GPM6A: variants seen among roughly 807,000 people sequenced by gnomAD.
GPM6A encodes glycoprotein M6A.
GPM6A carries 7 observed loss-of-function variants against 32.1 expected under a neutral mutation model. That is an observed-to-expected ratio of 0.22 (90% confidence interval 0.12 to 0.41). The LOEUF is 0.41. GPM6A is among the 10% of genes least tolerant of loss of function. The probability of loss-of-function intolerance (pLI) is 1.00; values close to 1 mark genes in which losing one functional copy is unlikely to be tolerated. For synonymous variants in GPM6A, 130 were observed against 123.4 expected (o/e 1.05, Z -0.35); for missense variants, 235 against 347.2 (o/e 0.68, Z 2.57).
At chr4:175,887,678 A>G (rs1737506438) in intron 1 of GPM6A, among the ~76,000 whole-genome samples, 1 of 151,964 alleles carries the variant, frequency 6.6e-6, no homozygotes, top group Non-Finnish European at 1.5e-5. Context: ...AAGGTAAAGT[A>G]TTAGACACAA....
intron 3 of GPM6A, among the ~76,000 whole-genome samples, chr4:175,672,317 C>T (rs533445180): frequency 1.8e-4 from 27 of 152,236 alleles, no homozygotes; most frequent in African/African-American, 6.3e-4. Context: ...TAGAAATGAT[C>T]CTCATTTTGT....
chr4:175,865,661 A>G (rs1736711145), intron 1 of GPM6A, among the ~76,000 whole-genome samples: 1 of 152,152 alleles, frequency 6.6e-6, no homozygotes, highest in South Asian at 2.1e-4. Context: ...AAATTTATCC[A>G]TTAACATTTC....
At chr4:175,865,158 G>T (rs564643509) in intron 1 of GPM6A, among the ~76,000 whole-genome samples, 39 of 152,126 alleles carry the variant, frequency 2.6e-4, no homozygotes, top group African/African-American at 9.4e-4. Flanking sequence ...GTACTTTTTT[G>T]CATGTGGATA....
intron 1 of GPM6A, among the ~76,000 whole-genome samples, chr4:175,850,685 C>T (rs1027882170): frequency 9.2e-5 from 14 of 151,426 alleles, no homozygotes; most frequent in African/African-American, 3.2e-4. Flanking sequence ...TGATGCATTG[C>T]AAGAAATATA....
At chr4:176,000,891 T>C (rs146080476) in intron 1 of GPM6A, among the ~76,000 whole-genome samples, 1 of 152,338 alleles carries the variant, frequency 6.6e-6, no homozygotes, top group African/African-American at 2.4e-5. Context: ...CTTTCTTTTT[T>C]AACCTGAAAA....
chr4:175,917,698 G>A (rs1300652540), intron 1 of GPM6A, among the ~76,000 whole-genome samples: 1 of 152,058 alleles, frequency 6.6e-6, no homozygotes, highest in African/African-American at 2.4e-5. Flanking sequence ...GTTAAAATGC[G>A]TGAGATCTGG....
At chr4:175,662,097 C>T (rs928239649) in intron 3 of GPM6A, among the ~76,000 whole-genome samples, 4 of 151,916 alleles carry the variant, frequency 2.6e-5, no homozygotes, top group African/African-American at 4.8e-5. Flanking sequence ...AAAACAATGA[C>T]AGGCATATTT....
chr4:175,636,269 T>TGCTTTCC (rs1740588889), intron 6 of GPM6A, among the ~76,000 whole-genome samples: 1 of 47,928 alleles, frequency 2.1e-5, no homozygotes, highest in African/African-American at 5.4e-5. Flanking sequence ...TGTATATATA[T>TGCTTTCC]ATATATATAT....
Position 175,633,270 on chromosome 4 carries a change from G to C in GPM6A, c.*1635C>G, listed in dbSNP as rs1462572973. ...GTAATACTGCATATATCAGAAAAAT[G>C]TTGAACCAGTAAGATAATCTAAGCA... On this transcript the variant is annotated 3_prime_UTR_variant, in exon 7 of 7. Coordinates refer to ENST00000393658, the MANE Select transcript of GPM6A (RefSeq NM_201591.3). 3 of 152,396 alleles carry C rather than the reference G, an allele frequency of 2.0e-5. No homozygotes were observed. The highest frequency in any genetic ancestry group is 7.2e-5 in the African/African-American group (3 of 41,406). The allele number at this position is 152,396 out of a possible 1,614,324, so 9.4% of individuals were successfully genotyped here.
At chr4:175,840,333 G>A (rs1381434915) in intron 1 of GPM6A, among the ~76,000 whole-genome samples, 3 of 152,176 alleles carry the variant, frequency 2.0e-5, no homozygotes, top group African/African-American at 4.8e-5. Flanking sequence ...ACATTAATAA[G>A]TGCATATTGA....
At chr4:176,002,191 G>C (rs1256930013) in intron 1 of GPM6A, 4 of 1,141,232 alleles carry the variant, frequency 3.5e-6, no homozygotes, top group Non-Finnish European at 5.2e-6. Context: ...CAGGCGCGGG[G>C]GGAACAGAGC....
At chr4:175,838,112 GAC>G (rs10548625) in intron 1 of GPM6A, among the ~76,000 whole-genome samples, 55,179 of 141,566 alleles carry the variant, frequency 0.39, 11,314 homozygotes, top group East Asian at 0.52. Flanking sequence ...CACACACACA[GAC>G]ACACACACAC....
intron 3 of GPM6A, 41 bp from the exon 4 acceptor site, chr4:175,652,028 C>A: frequency 6.6e-7 from 1 of 1,526,298 alleles, no homozygotes; most frequent in Non-Finnish European, 8.9e-7. Flanking sequence ...ATGTAATCTA[C>A]CAAAAAAGAA....
chr4:175,878,723 G>A (rs1212228640), intron 1 of GPM6A, among the ~76,000 whole-genome samples: 1 of 152,096 alleles, frequency 6.6e-6, no homozygotes, highest in African/African-American at 2.4e-5. Flanking sequence ...CCCATGGTCT[G>A]GGTGGTTAAC....
intron 1 of GPM6A, among the ~76,000 whole-genome samples, chr4:175,939,544 A>G (rs2126337572): frequency 6.6e-6 from 1 of 152,224 alleles, no homozygotes; most frequent in South Asian, 2.1e-4. Flanking sequence ...AAGAGAGGCC[A>G]CTCTTCACCA....
At chr4:176,002,357 G>T, upstream of GPM6A, 1 of 1,576,808 alleles carries the variant, frequency 6.3e-7, no homozygotes, top group South Asian at 1.2e-5. Flanking sequence ...GAGAGCGAGT[G>T]ACCAGACGCT....
chr4:175,936,238 A>G (rs1579642960), intron 1 of GPM6A, among the ~76,000 whole-genome samples: 1 of 134,412 alleles, frequency 7.4e-6, no homozygotes, highest in African/African-American at 2.8e-5. Context: ...CCCGGGAGGC[A>G]GAGCTTGCAG....
At chr4:175,941,860 T>C (rs934828179) in intron 1 of GPM6A, among the ~76,000 whole-genome samples, 4 of 152,212 alleles carry the variant, frequency 2.6e-5, no homozygotes, top group African/African-American at 9.6e-5. Flanking sequence ...TGCATGTTTA[T>C]AGAAGAATGA....
intron 1 of GPM6A, among the ~76,000 whole-genome samples, chr4:175,823,276 G>A (rs540773320): frequency 7.9e-5 from 12 of 152,294 alleles, no homozygotes; most frequent in South Asian, 2.1e-4. Flanking sequence ...TCAGTTTTGA[G>A]TAAAGGCTTA....
Sources: gnomAD v4.1 joint callset for allele counts (sites outside exome capture counted in the v4.1 genomes callset) on GRCh38, gnomAD v4.1.1 for gene constraint, MANE v1.5 for transcripts, NCBI Gene and HGNC (gene_info 2026-07-23, HGNC 2026-07-21) for gene names.